Variants in CDH26 observed in about 807,000 individuals in gnomAD.
The protein encoded by CDH26 is cadherin-like protein 26.
Under a neutral mutation model 90.3 loss-of-function variants are expected in CDH26, and 83 were observed. That is an observed-to-expected ratio of 0.92 (90% confidence interval 0.77 to 1.10). The LOEUF is 1.10. CDH26 is among the 50% of genes least tolerant of loss of function. The probability of loss-of-function intolerance (pLI) is 0.00; values close to 1 mark genes in which losing one functional copy is unlikely to be tolerated. For missense variants in CDH26, 1,013 were observed against 1,037.6 expected (o/e 0.98, Z 0.33); for synonymous variants, 397 against 396.3 (o/e 1.00, Z -0.02).
intron 7 of CDH26, among the ~76,000 whole-genome samples, chr20:60,022,078 T>C (rs2061963078): frequency 6.6e-6 from 1 of 151,944 alleles, no homozygotes; most frequent in African/African-American, 2.4e-5. Context: ...CCAACTGATG[T>C]CTGCAGGAGA....
At chr20:60,015,928 G>A (rs952833023), downstream of CDH26, among the ~76,000 whole-genome samples, 5 of 152,102 alleles carry the variant, frequency 3.3e-5, no homozygotes, top group African/African-American at 1.2e-4. Context: ...AAAATCAGTT[G>A]GCTAAAGATA....
In CDH26 at chr20:60,002,794, T is replaced by C. The variant is rs2061693483; in HGVS notation, c.2167-19T>C. The C allele has an allele frequency of 4.4e-6, 7 of 1,575,418 alleles. No individual in the cohort carries two copies. Among genetic ancestry groups the C allele is most frequent in the Non-Finnish European group, 6.1e-6 (7 of 1,156,754 alleles). On this transcript the variant is annotated intron_variant, in intron 15 of 17. Coordinates refer to ENST00000348616, the MANE Select transcript of CDH26 (RefSeq NM_177980.4). ...TGGTAATTTATTTGAAATCAGTAAA[T>C]ATTTCATCTTTCTTTAAGGGTTATG...
chr20:59,970,237 A>G (rs2061240211), intron 3 of CDH26, 51 bp downstream of exon 3: 3 of 1,597,702 alleles, frequency 1.9e-6, no homozygotes, highest in Non-Finnish European at 2.6e-6. Context: ...CTAAGTAAGC[A>G]CGCCCCTTTG....
intron 8 of CDH26, 119 bp from the exon 9 acceptor site, chr20:59,988,785 A>G (rs1377057496): frequency 3.9e-6 from 4 of 1,028,980 alleles, no homozygotes; most frequent in Non-Finnish European, 5.6e-6. Context: ...AAGACAACGT[A>G]AATAATAAAT....
chr20:60,019,269 G>A (rs2061933044), downstream of CDH26, among the ~76,000 whole-genome samples: 2 of 152,104 alleles, frequency 1.3e-5, no homozygotes, highest in Non-Finnish European at 2.9e-5. Context: ...CAGGAATTGG[G>A]ATGTTTCCAG....
intron 1 of CDH26, among the ~76,000 whole-genome samples, chr20:59,966,552 G>A (rs140470644): frequency 5.3e-5 from 8 of 152,360 alleles, no homozygotes. Flanking sequence ...GTGAGCAAGT[G>A]CATGGTGGTG....
rs117092599 is a variant in CDH26 at position 59,965,927 on chromosome 20, T to C, written c.70-3040T>C. On this transcript the variant is annotated intron_variant, in intron 1 of 17. Transcript: ENST00000348616. ...ATTAGGAAGCCATTGGCTATTGAGT[T>C]ATGCAGGTATTTCCTGTGTGGACAT... Among the ~76,000 whole-genome samples the C allele has an allele frequency of 7.8e-4, 119 of 152,318 alleles. No individual in the cohort carries two copies. The East Asian group carries it at 0.021, about 27-fold the overall frequency.
At chr20:60,022,559 G>A (rs1189854270) in intron 7 of CDH26, among the ~76,000 whole-genome samples, 1 of 152,220 alleles carries the variant, frequency 6.6e-6, no homozygotes, top group African/African-American at 2.4e-5. Flanking sequence ...AGACCTCATT[G>A]TATGTTTCTG....
In CDH26 at chr20:60,030,890, C is replaced by A. The variant is rs994738671; in HGVS notation, c.948-341C>A. Among the ~76,000 whole-genome samples, 1 of 152,154 alleles carries A rather than the reference C, an allele frequency of 6.6e-6. No homozygotes were observed. The highest frequency in any genetic ancestry group is 2.4e-5 in the African/African-American group (1 of 41,454). ...TGTGCTTGATTCAAGTTTTTGGAAA[C>A]CAGCCCGGAGTGAAAACATTTCCTT... On this transcript the variant is annotated intron_variant, in intron 7 of 8. Transcript: ENST00000370991. The surrounding 1 kb of genome is among the most constrained non-coding windows in gnomAD (Gnocchi z 4.0).
At chr20:59,974,167 T>C (rs1306831445) in intron 4 of CDH26, among the ~76,000 whole-genome samples, 1 of 152,248 alleles carries the variant, frequency 6.6e-6, no homozygotes, top group East Asian at 1.9e-4. Flanking sequence ...CTTTTTTTCA[T>C]ATGCTTACTG....
chr20:59,995,881 A>T lies in CDH26; in HGVS notation c.1715A>T (p.Tyr572Phe). ...TTGAGAAGCCTGCCACGTGGTAATTACTTGGTGCCACTCTTCATTGGAGAC... is the reference window on the plus strand; with the variant it reads ...TTGAGAAGCCTGCCACGTGGTAATTTCTTGGTGCCACTCTTCATTGGAGAC... ...LTLRSLPRGN[Y>F]LVPLFIGDKQ... The change falls in exon 12 of 18, where the codon TAC (tyrosine) becomes TTC (phenylalanine). Residue 572 changes from tyrosine to phenylalanine, a missense_variant. Transcript: ENST00000348616. The T allele has an allele frequency of 6.2e-7, 1 of 1,614,238 alleles. No homozygotes were observed. Among genetic ancestry groups the T allele is most frequent in the Non-Finnish European group, 8.5e-7 (1 of 1,180,048 alleles).
chr20:60,032,546 C>T (rs1467793383), intron 8 of CDH26, among the ~76,000 whole-genome samples: 2 of 152,052 alleles, frequency 1.3e-5, no homozygotes, highest in African/African-American at 4.8e-5. Context: ...GACACATGCA[C>T]ACGTATGTTT....
At chr20:59,965,416 T>C (rs779858389) in intron 1 of CDH26, among the ~76,000 whole-genome samples, 9 of 152,224 alleles carry the variant, frequency 5.9e-5, no homozygotes, top group Non-Finnish European at 8.8e-5. Flanking sequence ...TTAAACATAT[T>C]TCTCAATTCA....
At chr20:60,021,897 C>CACACACACACACACACACACACACAT (rs1295572684) in intron 7 of CDH26, among the ~76,000 whole-genome samples, 4 of 78,930 alleles carry the variant, frequency 5.1e-5, no homozygotes, top group Admixed American at 1.3e-4. Flanking sequence ...CACACACACA[C>CACACACACACACACACACACACACAT]ATATATATAT....
At chr20:60,027,916 G>C (rs1449117502) in intron 7 of CDH26, among the ~76,000 whole-genome samples, 1 of 152,308 alleles carries the variant, frequency 6.6e-6, no homozygotes, top group East Asian at 1.9e-4. Context: ...ATTTGTAACA[G>C]ATAATACAAA....
At chr20:59,986,990 C>A (rs957479003) in intron 7 of CDH26, among the ~76,000 whole-genome samples, 1 of 152,048 alleles carries the variant, frequency 6.6e-6, no homozygotes, top group Non-Finnish European at 1.5e-5. Context: ...TGTCTAGAAA[C>A]ATTGCCTCCA....
At position 59,969,088 on chromosome 20, in the gene CDH26, A is replaced by G. The variant is rs1382635308; in HGVS notation, c.126+65A>G. On this transcript the variant is annotated intron_variant, in intron 2 of 17. Coordinates refer to ENST00000348616, the MANE Select transcript of CDH26 (RefSeq NM_177980.4). ...TCTCTACACTTGACTTAGAGACAGA[A>G]TTGCAGTTTGGAGTTCTTTAGTGCC... 3.8e-6 allele frequency: 4 copies of G among 1,056,128 alleles called. No individual in the cohort carries two copies. The Admixed American group carries it at 5.5e-5, about 14-fold the overall frequency. The allele number at this position is 1,056,128 out of a possible 1,614,324, so 65.4% of individuals were successfully genotyped here. A position where few individuals can be genotyped will look rare whatever the true frequency, so the allele number is the denominator to read the frequency against.
At chr20:60,001,525 A>G in intron 15 of CDH26, 114 bp downstream of exon 15, 1 of 1,462,254 alleles carries the variant, frequency 6.8e-7, no homozygotes, top group East Asian at 2.5e-5. Flanking sequence ...AAAAAGGCAC[A>G]TAGTCAATGA....
chr20:59,968,441 G>T (rs1456917647), intron 1 of CDH26, among the ~76,000 whole-genome samples: 1 of 151,942 alleles, frequency 6.6e-6, no homozygotes, highest in African/African-American at 2.4e-5. Flanking sequence ...TGTATTTTTT[G>T]GAGGAAGGGA....
Sources: gnomAD v4.1 joint callset for allele counts (sites outside exome capture counted in the v4.1 genomes callset) on GRCh38, gnomAD v4.1.1 for gene constraint, Gnocchi (gnomAD v3.1) non-coding constraint, MANE v1.5 for transcripts, NCBI Gene and HGNC (gene_info 2026-07-23, HGNC 2026-07-21) for gene names.